Variants in PCIF1 observed in about 807,000 individuals in gnomAD.
PCIF1 encodes the protein mRNA (2'-O-methyladenosine-N(6)-)-methyltransferase.
In PCIF1, 12 loss-of-function variants were observed where a neutral mutation model predicts 86.9. The ratio of observed to expected loss-of-function variants is 0.14; its 90% CI spans 0.09 to 0.22. The LOEUF (loss-of-function observed/expected upper bound fraction) is 0.22, where lower values mean the gene tolerates loss of function less well. Among genes scored for constraint, PCIF1 ranks in the 10% least tolerant of loss-of-function variants. The pLI, the probability that PCIF1 is intolerant of heterozygous loss-of-function variation, is 1.00. For missense variants in PCIF1, 701 were observed against 951.1 expected, an observed-to-expected ratio of 0.74 and a Z score of 3.46; for synonymous variants, 397 against 372.0, an observed-to-expected ratio of 1.07 and a Z score of -0.77.
At chr20:45,944,412 T>G (rs918646503) in intron 10 of PCIF1, among the ~76,000 whole-genome samples, 1 of 152,216 alleles carries the variant, frequency 6.6e-6, no homozygotes, top group Non-Finnish European at 1.5e-5. Flanking sequence ...CAGTCATCTT[T>G]GCAAGTAGCT....
chr20:45,945,941 T>A, intron 12 of PCIF1, 58 bp downstream of exon 12: 1 of 1,613,222 alleles, frequency 6.2e-7, no homozygotes, highest in South Asian at 1.1e-5. Flanking sequence ...CCTAGGATCT[T>A]TCCTGAGCAG....
Position 45,945,043 on chromosome 20 carries a change from T to C in PCIF1, c.1168+13T>C, listed in dbSNP as rs751670477. 7 of 1,594,594 alleles carry C rather than the reference T, an allele frequency of 4.4e-6. No homozygotes were observed. The South Asian group carries it at 5.6e-5, about 13-fold the overall frequency. ...AACAACATCTCAGGTAGGGGAAAGGTGAAGGAGGAGCCAGCTGTGATGCCG... is the reference window on the plus strand; with the variant it reads ...AACAACATCTCAGGTAGGGGAAAGGCGAAGGAGGAGCCAGCTGTGATGCCG... On this transcript the variant is annotated intron_variant, in intron 11 of 16. Transcript: ENST00000372409.
Position 45,943,447 on chromosome 20 carries a change from C to T in PCIF1, c.905+24C>T. 2 of 1,602,282 alleles carry T rather than the reference C, an allele frequency of 1.2e-6. No homozygotes were observed. The highest frequency in any genetic ancestry group is 8.5e-7 in the Non-Finnish European group (1 of 1,171,872). ...AGGTTTGCCTGTCTTCTGCCCCAGG[C>T]GAGATGGGTCTGTGATTAAAGTGGC... is the stretch of plus-strand genomic sequence containing the variant. On this transcript the variant is annotated intron_variant, in intron 9 of 16. Transcript: ENST00000372409. This position sits in a 1 kb window ranked among gnomAD's most constrained non-coding sequence, Gnocchi z 5.5.
At chr20:45,935,884 T>C (rs2083421125) in intron 1 of PCIF1, among the ~76,000 whole-genome samples, 1 of 152,086 alleles carries the variant, frequency 6.6e-6, no homozygotes, top group Non-Finnish European at 1.5e-5. Flanking sequence ...TTGGAAATAC[T>C]GCAGTGTCCC....
At chr20:45,942,766 C>CTTTTTTTTT (rs780815783) in intron 7 of PCIF1, among the ~76,000 whole-genome samples, 11 of 71,760 alleles carry the variant, frequency 1.5e-4, no homozygotes, top group Non-Finnish European at 1.9e-4. Flanking sequence ...CAGCTAATTT[C>CTTTTTTTTT]TTTTTTTTTT....
Position 45,940,559 on chromosome 20 carries a change from A to G in PCIF1, c.334A>G (p.Lys112Glu). 6.2e-7 allele frequency: 1 copy of G among 1,609,588 alleles called. No individual in the cohort carries two copies. Among genetic ancestry groups the G allele is most frequent in the Non-Finnish European group, 8.5e-7 (1 of 1,177,866 alleles). The change falls in exon 5 of 17, where the codon AAG becomes GAG. Residue 112 changes from lysine to glutamate, a missense_variant. By Grantham distance (56) the Lys-to-Glu change is moderately conservative. Transcript: ENST00000372409. The stretch of plus-strand genomic sequence containing the variant: ...TCCCCCGGCTGAGAACAAGCCCAGA[A>G]AGCGGCAGCTCTCGGAAGAGCAGCC... ...ETPPAENKPR[K>E]RQLSEEQPSG... is the part of the protein sequence containing the mutation.
Position 45,947,749 on chromosome 20 carries a change from C to A in PCIF1, c.2109C>A (p.Pro703=). ...REQGPSREPH[P]T is the part of the protein sequence containing the mutation. ...AGGGTCCTAGCCGCGAGCCTCACCCCACTTAACATATCCTGCGGGGAGGAG... is the reference window on the plus strand; with the variant it reads ...AGGGTCCTAGCCGCGAGCCTCACCCAACTTAACATATCCTGCGGGGAGGAG... The change falls in exon 17 of 17, where the codon CCC becomes CCA. Residue 703 remains proline (P), a synonymous_variant. Coordinates refer to ENST00000372409, the MANE Select transcript of PCIF1 (RefSeq NM_022104.4). The surrounding 1 kb of genome is among the most constrained non-coding windows in gnomAD (Gnocchi z 5.4). The A allele has an allele frequency of 6.3e-7, 1 of 1,598,726 alleles. No individual in the cohort carries two copies.
At chr20:45,946,179 C>T in intron 13 of PCIF1, 21 bp from the exon 14 acceptor site, 6 of 1,614,180 alleles carry the variant, frequency 3.7e-6, no homozygotes, top group Non-Finnish European at 5.1e-6. Flanking sequence ...GCCCCAGGTG[C>T]TGACGGTGGC....
chr20:45,947,021 GGTTGA>G lies in PCIF1; in HGVS notation c.1614-50_1614-46del. ...GGGTTGGGGGGTGGCACCTGTTTCT[GGTTGA>G]GGGACTGGGTCCTGATGGGACTTAG... On this transcript the variant is annotated intron_variant, in intron 14 of 16. Transcript: ENST00000372409. The surrounding 1 kb of genome is among the most constrained non-coding windows in gnomAD (Gnocchi z 5.4). The G allele has an allele frequency of 6.7e-7, 1 of 1,502,588 alleles. No individual in the cohort carries two copies. 93.1% of individuals were successfully genotyped at this position (1,502,588 alleles called of 1,614,324 possible). A position where few individuals can be genotyped will look rare whatever the true frequency, so the allele number is the denominator to read the frequency against.
At chr20:45,935,368 G>T (rs1477001391) in intron 1 of PCIF1, among the ~76,000 whole-genome samples, 1 of 152,108 alleles carries the variant, frequency 6.6e-6, no homozygotes, top group Non-Finnish European at 1.5e-5. Context: ...GGCTTCTGGT[G>T]GGTTTTTCTG....
Position 45,941,197 on chromosome 20 carries a change from G to A in PCIF1, c.663G>A (p.Gln221=), listed in dbSNP as rs2083466966. Residue 221 remains glutamine (Q), a synonymous_variant, in exon 7 of 17, where the codon CAG becomes CAA. Coordinates refer to ENST00000372409, the MANE Select transcript of PCIF1 (RefSeq NM_022104.4). The stretch of plus-strand genomic sequence containing the variant: ...GGCAGCACTATCGGGAGCTGTGCCA[G>A]CAGCGAGAGGGTACCTGCCTCTGGG... The part of the protein sequence containing the change: ...KLRQHYRELC[Q]QREGIEPPRE... 2 of 1,603,752 alleles carry A rather than the reference G, an allele frequency of 1.2e-6. No homozygotes were observed. The highest frequency in any genetic ancestry group is 8.5e-7 in the Non-Finnish European group (1 of 1,173,694).
chr20:45,946,626 G>GTGGA (rs1206185157), intron 14 of PCIF1, among the ~76,000 whole-genome samples: 2 of 152,202 alleles, frequency 1.3e-5, no homozygotes, highest in Admixed American at 1.3e-4. Flanking sequence ...TCAGTTCAGG[G>GTGGA]TGGAATAGGA....
chr20:45,939,469 A>T (rs2083452014), intron 4 of PCIF1, 130 bp downstream of exon 4: 1 of 1,340,242 alleles, frequency 7.5e-7, no homozygotes, highest in African/African-American at 1.4e-5. Context: ...GACAAGCAAG[A>T]CAGACACAGC....
intron 7 of PCIF1, 149 bp downstream of exon 7, chr20:45,941,356 ACCCTCTTTC>A: frequency 1.1e-6 from 1 of 893,892 alleles, no homozygotes; most frequent in Non-Finnish European, 1.7e-6. Context: ...ACAGAGCAAG[ACCCTCTTTC>A]AAAAAAACAA....
In PCIF1 at chr20:45,940,858, G is replaced by A; in HGVS notation, c.437G>A (p.Ser146Asn). 6.2e-7 allele frequency: 1 copy of A among 1,614,160 alleles called. No homozygotes were observed. The highest frequency in any genetic ancestry group is 1.1e-5 in the South Asian group (1 of 91,076). ...GGCCAGTCGGTGCCCAGCTCCCCCA[G>A]TATCCCAGGAACCCCAACGCTGAAG... is the stretch of plus-strand genomic sequence containing the variant. ...PTGQSVPSSP[S>N]IPGTPTLKMW... The change falls in exon 6 of 17, where the codon AGT (serine) becomes AAT (asparagine). Residue 146 changes from serine (S) to asparagine (N), a missense_variant. This residue lies in a region of PCIF1 where 125 missense variants were observed against 126.8 expected (regional missense o/e 0.99). Transcript: ENST00000372409.
rs2083547228 is a variant in PCIF1 at position 45,947,758 on chromosome 20, T to C, written c.*3T>C. 1 of 1,594,334 alleles carries C rather than the reference T, an allele frequency of 6.3e-7. No individual in the cohort carries two copies. The highest frequency in any genetic ancestry group is 1.7e-5 in the Admixed American group (1 of 58,082). On this transcript the variant is annotated 3_prime_UTR_variant, in exon 17 of 17. Coordinates refer to ENST00000372409, the MANE Select transcript of PCIF1 (RefSeq NM_022104.4). This position sits in a 1 kb window ranked among gnomAD's most constrained non-coding sequence, Gnocchi z 5.4. The stretch of plus-strand genomic sequence containing the variant: ...GCCGCGAGCCTCACCCCACTTAACA[T>C]ATCCTGCGGGGAGGAGGAGCCCCAG...
chr20:45,943,802 G>A lies in PCIF1; in HGVS notation c.1005+37G>A, dbSNP rs1288331373. 1 of 1,512,710 alleles carries A rather than the reference G, an allele frequency of 6.6e-7. No individual in the cohort carries two copies. The allele number at this position is 1,512,710 out of a possible 1,614,324, so 93.7% of individuals were successfully genotyped here. On this transcript the variant is annotated intron_variant, in intron 10 of 16. Transcript: ENST00000372409. The surrounding 1 kb of genome is among the most constrained non-coding windows in gnomAD (Gnocchi z 5.5). ...CCCGGGTGAGAAGGCCAGTTTTAGGGCTCTGTGGCCACTTCCTCCAGGAAG... is the reference window on the plus strand; with the variant it reads ...CCCGGGTGAGAAGGCCAGTTTTAGGACTCTGTGGCCACTTCCTCCAGGAAG...
rs760479692 is a variant in PCIF1 at position 45,943,173 on chromosome 20, G to A, written c.750G>A (p.Leu250=). The change falls in exon 8 of 17, where the codon CTG becomes CTA. Residue 250 remains leucine, a synonymous_variant. Transcript: ENST00000372409. The surrounding 1 kb of genome is among the most constrained non-coding windows in gnomAD (Gnocchi z 5.5). Reference sequence around the variant, plus strand: ...TGGTAGACAAAGGATCTGACCCCCTGTTGCCCAGCAACTGTGAACCAGTCG... The same window carrying A: ...TGGTAGACAAAGGATCTGACCCCCTATTGCCCAGCAACTGTGAACCAGTCG... ...RKVVDKGSDP[L]LPSNCEPVVS... is the part of the protein sequence containing the mutation. 2 of 1,613,982 alleles carry A rather than the reference G, an allele frequency of 1.2e-6. No individual in the cohort carries two copies. The highest frequency in any genetic ancestry group is 1.3e-5 in the African/African-American group (1 of 74,904).
chr20:45,938,880 T>A, intron 2 of PCIF1, 101 bp from the exon 3 acceptor site: 1 of 1,489,246 alleles, frequency 6.7e-7, no homozygotes, highest in Non-Finnish European at 9.1e-7. Context: ...AGGACCTGAT[T>A]GGATTTCTCC....
Sources: gnomAD v4.1 joint callset for allele counts (sites outside exome capture counted in the v4.1 genomes callset) on GRCh38, gnomAD v4.1.1 for gene constraint, gnomAD v4.1.1 regional missense constraint, Gnocchi (gnomAD v3.1) non-coding constraint, MANE v1.5 for transcripts, NCBI Gene and HGNC (gene_info 2026-07-23, HGNC 2026-07-21) for gene names.